Variants in CDH26 observed in about 807,000 individuals in gnomAD.
CDH26 encodes the protein cadherin-like protein 26.
Under a neutral mutation model 90.3 loss-of-function variants are expected in CDH26, and 83 were observed. The ratio of observed to expected loss-of-function variants is 0.92; its 90% confidence interval spans 0.77 to 1.10. The LOEUF is 1.10. CDH26 is among the 50% of genes least tolerant of loss of function. The pLI is 0.00. For missense variants in CDH26, 1,013 were observed against 1,037.6 expected, an observed-to-expected ratio of 0.98 and a Z score of 0.33; for synonymous variants, 397 against 396.3, an observed-to-expected ratio of 1.00 and a Z score of -0.02.
In CDH26 at chr20:59,984,989, C is replaced by A; in HGVS notation, c.709-12C>A. ...ATTTGAGGGGCTTAACTTTCCTTTT[C>A]CTCCCACATAGACCGCTCCTCAGTT... On this transcript the variant is annotated splice_polypyrimidine_tract_variant and intron_variant, in intron 6 of 17. Coordinates refer to ENST00000348616, the MANE Select transcript of CDH26 (RefSeq NM_177980.4). 1 of 1,609,654 alleles carries A rather than the reference C, an allele frequency of 6.2e-7. No homozygotes were observed.
At chr20:60,015,228 C>T (rs1434052377), downstream of CDH26, among the ~76,000 whole-genome samples, 2 of 152,136 alleles carry the variant, frequency 1.3e-5, no homozygotes, top group African/African-American at 2.4e-5. Flanking sequence ...TCAGGTGATC[C>T]GCCCACCTCA....
At position 59,975,483 on chromosome 20, in the gene CDH26, T is replaced by G. The variant is rs572165117; in HGVS notation, c.393+3360T>G. Among the ~76,000 whole-genome samples, 3 of 152,278 alleles carry G rather than the reference T, an allele frequency of 2.0e-5. 1 individual carries two copies. The South Asian group carries it at 6.2e-4, about 32-fold the overall frequency. On this transcript the variant is annotated intron_variant, in intron 4 of 17. Transcript: ENST00000348616. ...GCCTACAGAGCTGTGAGAGAATAAG[T>G]TCCTAGTGTAAGCCATGGGGGTCTA...
In CDH26 at chr20:60,030,150, A is replaced by G. The variant is rs2062029337; in HGVS notation, c.948-1081A>G. ...ATATATTGAATATCTACAATCTGAT[A>G]TGATAGTATACCATCACCAGAATCA... is the stretch of plus-strand genomic sequence containing the variant. On this transcript the variant is annotated intron_variant, in intron 7 of 8. Transcript: ENST00000370991. This position sits in a 1 kb window ranked among gnomAD's most constrained non-coding sequence, Gnocchi z 4.0. 3.9e-5 allele frequency among the ~76,000 whole-genome samples: 6 copies of G among 152,194 alleles called. No individual in the cohort carries two copies. The highest frequency in any genetic ancestry group is 3.9e-4 in the Admixed American group (6 of 15,282).
At chr20:59,971,582 G>C (rs2061261498) in intron 3 of CDH26, among the ~76,000 whole-genome samples, 1 of 152,194 alleles carries the variant, frequency 6.6e-6, no homozygotes, top group Non-Finnish European at 1.5e-5. Flanking sequence ...CAAGAAATGA[G>C]ATCACACTTG....
intron 1 of CDH26, among the ~76,000 whole-genome samples, chr20:59,968,762 C>A (rs1047107654): frequency 6.6e-6 from 1 of 152,068 alleles, no homozygotes; most frequent in African/African-American, 2.4e-5. Flanking sequence ...AATCAGAATT[C>A]TTTTCATTAT....
intron 8 of CDH26, among the ~76,000 whole-genome samples, 159 bp downstream of exon 8, chr20:59,987,797 G>A (rs1490985787): frequency 1.3e-5 from 2 of 152,164 alleles, no homozygotes; most frequent in African/African-American, 2.4e-5. Flanking sequence ...CAGGGTCTCA[G>A]TGCCACTTCT....
rs537546803 is a variant in CDH26, at chr20:60,009,446, G to A, written c.2295+2659G>A. Among the ~76,000 whole-genome samples, 11 of 152,310 alleles carry A rather than the reference G, an allele frequency of 7.2e-5. 1 individual carries two copies. Among genetic ancestry groups the A allele is most frequent in the Middle Eastern group, 3.4e-3 (1 of 294 alleles). ...CACATTTGCGCACACACACGTGAAC[G>A]CATGCACATGCACACATACCGCTCA... On this transcript the variant is annotated intron_variant, in intron 17 of 17. Transcript: ENST00000348616.
intron 1 of CDH26, among the ~76,000 whole-genome samples, chr20:59,968,637 G>A (rs957858070): frequency 6.6e-6 from 1 of 152,096 alleles, no homozygotes; most frequent in African/African-American, 2.4e-5. Flanking sequence ...TATTTTACAT[G>A]TGTACATATA....
chr20:60,012,176 C>CG (rs1197719800), intron 17 of CDH26, among the ~76,000 whole-genome samples: 3 of 151,444 alleles, frequency 2.0e-5, no homozygotes, highest in Non-Finnish European at 4.4e-5. Context: ...AAACGAGGGC[C>CG]GGGGGGTCAT....
chr20:59,984,822 T>A lies in CDH26; in HGVS notation c.708+17T>A. On this transcript the variant is annotated intron_variant, in intron 6 of 17. Coordinates refer to ENST00000348616, the MANE Select transcript of CDH26 (RefSeq NM_177980.4). ...GATTATGAGGTTATGTGGATTTTAT[T>A]ATTTTTTTTAAATGAAATGTGTGGC... 6.3e-7 allele frequency: 1 copy of A among 1,592,458 alleles called. No individual in the cohort carries two copies. The highest frequency in any genetic ancestry group is 8.5e-7 in the Non-Finnish European group (1 of 1,172,014).
At chr20:60,031,531 A>G (rs2062039918) in intron 8 of CDH26, 1 of 1,014,592 alleles carries the variant, frequency 9.9e-7, no homozygotes, top group Non-Finnish European at 1.2e-6. Context: ...AATCAATTGA[A>G]TTAATTATTT....
At position 59,958,717 on chromosome 20, in the gene CDH26, G is replaced by A. The variant is rs775563950; in HGVS notation, c.-10G>A. ...GCTGCACGTTCTGGGTCTGTCTTGG[G>A]TATTCCCATATGGCCATGAGATCCG... is the stretch of plus-strand genomic sequence containing the variant. On this transcript the variant is annotated 5_prime_UTR_variant, in exon 1 of 18. Coordinates refer to ENST00000348616, the MANE Select transcript of CDH26 (RefSeq NM_177980.4). The A allele has an allele frequency of 3.3e-5, 54 of 1,614,000 alleles. No homozygotes were observed. The highest frequency in any genetic ancestry group is 1.8e-5 in the Non-Finnish European group (21 of 1,179,974).
At chr20:59,989,618 A>G (rs2061504380) in intron 9 of CDH26, among the ~76,000 whole-genome samples, 1 of 152,166 alleles carries the variant, frequency 6.6e-6, no homozygotes, top group Admixed American at 6.5e-5. Flanking sequence ...TGAAAATACA[A>G]GAAGCCACAG....
rs998308012 is a variant in CDH26 at position 59,969,139 on chromosome 20, TA to T, written c.126+120del. ...CTGCCAATGTTTGGTTTGCAGAAAATAAAATAGTAACTTCATGTGGCCTTTT... is the reference window on the plus strand; with the variant it reads ...CTGCCAATGTTTGGTTTGCAGAAAATAAATAGTAACTTCATGTGGCCTTTT... On this transcript the variant is annotated intron_variant, in intron 2 of 17. Coordinates refer to ENST00000348616, the MANE Select transcript of CDH26 (RefSeq NM_177980.4). The T allele has an allele frequency of 4.6e-6, 3 of 648,634 alleles. No individual in the cohort carries two copies. The African/African-American group carries it at 5.4e-5, about 12-fold the overall frequency. The allele number at this position is 648,634 out of a possible 1,614,324, so 40.2% of individuals were successfully genotyped here.
intron 17 of CDH26, among the ~76,000 whole-genome samples, chr20:60,008,103 C>T (rs1345027081): frequency 6.6e-6 from 1 of 152,172 alleles, no homozygotes; most frequent in Admixed American, 6.5e-5. Flanking sequence ...CCAGGCCATT[C>T]TGACTCTAAG....
At chr20:59,979,117 A>G (rs538462461) in intron 4 of CDH26, among the ~76,000 whole-genome samples, 1 of 152,032 alleles carries the variant, frequency 6.6e-6, no homozygotes, top group East Asian at 1.9e-4. Context: ...TGGCTTTTTA[A>G]GTCTAGATTT....
intron 4 of CDH26, among the ~76,000 whole-genome samples, chr20:59,980,403 TC>T (rs1268522907): frequency 1.3e-5 from 2 of 151,988 alleles, no homozygotes; most frequent in Non-Finnish European, 2.9e-5. Flanking sequence ...CAAGCAATTC[TC>T]CTGCCTCAGC....
In CDH26 at chr20:59,992,775, C is replaced by G. The variant is rs927372148; in HGVS notation, c.1426+255C>G. ...GCAAGGAGGCTGCAATCAAACCCAG[C>G]ATCTTTTTCATCTGTTCATGAGCTA... On this transcript the variant is annotated intron_variant, in intron 10 of 17. Transcript: ENST00000348616. The surrounding 1 kb of genome is among the most constrained non-coding windows in gnomAD (Gnocchi z 5.0). 2.0e-5 allele frequency among the ~76,000 whole-genome samples: 3 copies of G among 152,168 alleles called. No individual in the cohort carries two copies. The highest frequency in any genetic ancestry group is 4.4e-5 in the Non-Finnish European group (3 of 68,038).
At chr20:59,975,636 A>G (rs2061319707) in intron 4 of CDH26, among the ~76,000 whole-genome samples, 1 of 152,192 alleles carries the variant, frequency 6.6e-6, no homozygotes, top group Non-Finnish European at 1.5e-5. Context: ...TGTCCTATAA[A>G]TTAGGACGTG....
Sources: allele counts gnomAD v4.1 joint callset (sites outside exome capture counted in the v4.1 genomes callset), GRCh38; gene constraint gnomAD v4.1.1; non-coding constraint Gnocchi (gnomAD v3.1); transcripts MANE v1.5; gene names NCBI Gene and HGNC (gene_info 2026-07-23, HGNC 2026-07-21).